The following OTUD7A variants were observed in gnomAD, a reference collection of about 807,000 sequenced individuals.
OTUD7A encodes OTU deubiquitinase 7A, also known as OTU domain-containing protein 7A.
In OTUD7A, 12 loss-of-function variants were observed where a neutral mutation model predicts 65.7. The ratio of observed to expected loss-of-function variants is 0.18; its 90% CI spans 0.12 to 0.30. The LOEUF is 0.30. Among genes scored for constraint, OTUD7A ranks in the 10% least tolerant of loss-of-function variants. The pLI, the probability that OTUD7A is intolerant of heterozygous loss-of-function variation, is 1.00. For missense variants in OTUD7A, 1,148 were observed against 1,304.8 expected (o/e 0.88, Z 1.85); for synonymous variants, 641 against 586.3 (o/e 1.09, Z -1.35).
At chr15:31,769,236 T>A (rs11632840) in intron 1 of OTUD7A, among the ~76,000 whole-genome samples, 1 of 152,094 alleles carries the variant, frequency 6.6e-6, no homozygotes, top group Non-Finnish European at 1.5e-5. Context: ...TATATTGTCA[T>A]CAGATACAGT....
chr15:31,526,263 C>T, intron 8 of OTUD7A, 86 bp downstream of exon 8: 1 of 1,287,410 alleles, frequency 7.8e-7, no homozygotes, highest in South Asian at 1.5e-5. Context: ...CCACATTCCC[C>T]CCCGTGCCAT....
At chr15:31,833,054 C>G (rs1896973738) in intron 1 of OTUD7A, among the ~76,000 whole-genome samples, 1 of 152,208 alleles carries the variant, frequency 6.6e-6, no homozygotes, top group Non-Finnish European at 1.5e-5. Context: ...TTCCCCAATT[C>G]CTTACCAGCA....
Position 31,487,653 on chromosome 15 carries a change from T to A in OTUD7A, c.1172-87A>T. On this transcript the variant is annotated intron_variant, in intron 10 of 12. Coordinates refer to ENST00000307050, the MANE Select transcript of OTUD7A (RefSeq NM_001382637.1). The surrounding 1 kb of genome is among the most constrained non-coding windows in gnomAD (Gnocchi z 6.0). Reference sequence around the variant, plus strand: ...GAAATTCCCAAGCCAGGTATCTGGGTGACAAATGCACCGAGTGGACATCTA... The same window carrying A: ...GAAATTCCCAAGCCAGGTATCTGGGAGACAAATGCACCGAGTGGACATCTA... 2.0e-6 allele frequency: 2 copies of A among 1,009,978 alleles called. No individual in the cohort carries two copies. Among genetic ancestry groups the A allele is most frequent in the Non-Finnish European group, 2.9e-6 (2 of 693,458 alleles). 62.6% of individuals were successfully genotyped at this position (1,009,978 alleles called of 1,614,324 possible).
chr15:31,819,745 T>C (rs1024700036), intron 1 of OTUD7A, among the ~76,000 whole-genome samples: 2 of 151,828 alleles, frequency 1.3e-5, no homozygotes, highest in South Asian at 2.1e-4. Flanking sequence ...AAACTAAATA[T>C]ACTACATTAT....
At chr15:31,534,091 T>C (rs764828119) in intron 5 of OTUD7A, among the ~76,000 whole-genome samples, 4 of 152,072 alleles carry the variant, frequency 2.6e-5, no homozygotes, top group Non-Finnish European at 2.9e-5. Flanking sequence ...TAGCCAACAT[T>C]ACCCTGATAC....
chr15:31,782,525 G>C (rs1042083690), intron 1 of OTUD7A, among the ~76,000 whole-genome samples: 1 of 152,188 alleles, frequency 6.6e-6, no homozygotes, highest in African/African-American at 2.4e-5. Context: ...GGGAGGCCCT[G>C]AGGGGTAGTG....
chr15:31,485,663 G>T (rs529304281), intron 12 of OTUD7A, among the ~76,000 whole-genome samples: 4 of 152,190 alleles, frequency 2.6e-5, no homozygotes, highest in Admixed American at 2.0e-4. Flanking sequence ...AATTCTGACC[G>T]AGTGTCATTG....
chr15:31,860,637 A>ATATATATATATATATATATATATATATG (rs1296261170), intron 1 of OTUD7A, among the ~76,000 whole-genome samples: 28 of 127,418 alleles, frequency 2.2e-4, no homozygotes, highest in Admixed American at 4.1e-4. Flanking sequence ...ATATATATAT[A>ATATATATATATATATATATATATATATG]TATATATGTA....
intron 3 of OTUD7A, among the ~76,000 whole-genome samples, chr15:31,621,757 C>G (rs1480454762): frequency 6.7e-6 from 1 of 149,150 alleles, no homozygotes; most frequent in East Asian, 2.0e-4. Flanking sequence ...AGCATTTAGC[C>G]CATTTACATT....
intron 8 of OTUD7A, among the ~76,000 whole-genome samples, chr15:31,506,739 T>C (rs1025245589): frequency 1.3e-5 from 2 of 152,202 alleles, no homozygotes; most frequent in African/African-American, 4.8e-5. Context: ...TTTCTTGCCA[T>C]GAGAGGCACA....
At chr15:31,615,398 A>G (rs1311127004) in intron 3 of OTUD7A, among the ~76,000 whole-genome samples, 2 of 152,210 alleles carry the variant, frequency 1.3e-5, no homozygotes, top group African/African-American at 4.8e-5. Context: ...TTATAATAAA[A>G]TATCAGTCCT....
chr15:31,861,129 C>T lies in OTUD7A; in HGVS notation c.-100+9378G>A, dbSNP rs116148500. On this transcript the variant is annotated intron_variant, in intron 1 of 12. Coordinates refer to ENST00000307050, the MANE Select transcript of OTUD7A (RefSeq NM_001382637.1). ...TCAGCACTTTGGGAGAACTAGGGAA[C>T]TAATTTTGTACAGAATCATGGAGTT... is the stretch of plus-strand genomic sequence containing the variant. Among the ~76,000 whole-genome samples the T allele has an allele frequency of 7.0e-3, 1,065 of 152,222 alleles. 15 individuals are homozygous for T. The highest frequency in any genetic ancestry group is 0.025 in the African/African-American group (1,025 of 41,534).
At chr15:31,637,115 A>T (rs1387007247) in intron 3 of OTUD7A, among the ~76,000 whole-genome samples, 1 of 152,248 alleles carries the variant, frequency 6.6e-6, no homozygotes, top group East Asian at 1.9e-4. Context: ...AATGTAGACA[A>T]CACAGCCCTC....
At chr15:31,818,981 C>T (rs761883363) in intron 1 of OTUD7A, among the ~76,000 whole-genome samples, 17 of 152,032 alleles carry the variant, frequency 1.1e-4, no homozygotes, top group Non-Finnish European at 2.5e-4. Flanking sequence ...GGGACACTGA[C>T]GGCTGGGTTT....
intron 8 of OTUD7A, among the ~76,000 whole-genome samples, chr15:31,518,551 C>T (rs1339669966): frequency 2.6e-5 from 4 of 152,216 alleles, no homozygotes; most frequent in Admixed American, 1.3e-4. Context: ...TGTATGCACA[C>T]ATCCTCCCAC....
At chr15:31,653,343 T>C (rs986817358) in intron 3 of OTUD7A, among the ~76,000 whole-genome samples, 12 of 152,104 alleles carry the variant, frequency 7.9e-5, no homozygotes, top group African/African-American at 2.9e-4. Context: ...TAGTTGTAAC[T>C]GCCAAAAATG....
chr15:31,520,279 C>A (rs536400863), intron 8 of OTUD7A, among the ~76,000 whole-genome samples: 1 of 150,768 alleles, frequency 6.6e-6, no homozygotes, highest in Admixed American at 6.6e-5. Context: ...GGTATTGGTA[C>A]AAAAACAGAC....
At chr15:31,592,904 A>AAAATATATAT (rs1416029921) in intron 3 of OTUD7A, among the ~76,000 whole-genome samples, 2 of 59,386 alleles carry the variant, frequency 3.4e-5, no homozygotes, top group Admixed American at 3.1e-4. Flanking sequence ...AAAAAAAAAA[A>AAAATATATAT]ATATATATAT....
intron 1 of OTUD7A, among the ~76,000 whole-genome samples, chr15:31,749,021 C>T (rs538507086): frequency 1.9e-4 from 29 of 151,490 alleles, no homozygotes; most frequent in African/African-American, 5.1e-4. Context: ...CATCATTCTC[C>T]GCAAACTATC....
Sources: gnomAD v4.1 joint callset for allele counts (sites outside exome capture counted in the v4.1 genomes callset) on GRCh38, gnomAD v4.1.1 for gene constraint, Gnocchi (gnomAD v3.1) non-coding constraint, MANE v1.5 for transcripts, NCBI Gene and HGNC (gene_info 2026-07-23, HGNC 2026-07-21) for gene names.